Variants in DLGAP2 observed in about 807,000 individuals in gnomAD.
DLGAP2 encodes the protein disks large-associated protein 2.
In DLGAP2, 26 loss-of-function variants were observed where a neutral mutation model predicts 100.3. That is an observed-to-expected ratio of 0.26 (90% CI 0.19 to 0.36). The LOEUF (loss-of-function observed/expected upper bound fraction) is 0.36, where lower values mean the gene tolerates loss of function less well. Ranked by LOEUF, DLGAP2 falls within the 10% of genes least tolerant of loss-of-function variation. The pLI, the probability that DLGAP2 is intolerant of heterozygous loss-of-function variation, is 1.00. For missense variants in DLGAP2, 1,858 were observed against 1,453.2 expected (o/e 1.28, Z -4.53); for synonymous variants, 886 against 630.1 (o/e 1.41, Z -6.08).
At chr8:1,553,525 T>C (rs966846408) in intron 5 of DLGAP2, among the ~76,000 whole-genome samples, 23 of 20,042 alleles carry the variant, frequency 1.1e-3, no homozygotes, top group African/African-American at 4.4e-3. Flanking sequence ...GGGTTTTACC[T>C]GTCAGGCTTT....
intron 3 of DLGAP2, among the ~76,000 whole-genome samples, chr8:1,411,003 C>T (rs1482214856): frequency 6.6e-6 from 1 of 152,138 alleles, no homozygotes; most frequent in Non-Finnish European, 1.5e-5. Context: ...GCCAGCTAAA[C>T]TAATATTTCT....
At position 1,290,376 on chromosome 8, in the gene DLGAP2, C is replaced by T. The variant is rs73670712; in HGVS notation, c.106+31493C>T. 2.0e-3 allele frequency among the ~76,000 whole-genome samples: 300 copies of T among 152,332 alleles called. 1 individual carries two copies. The highest frequency in any genetic ancestry group is 6.9e-3 in the African/African-American group (287 of 41,570). On this transcript the variant is annotated intron_variant, in intron 3 of 14. Coordinates refer to ENST00000637795, the MANE Select transcript of DLGAP2 (RefSeq NM_001346810.2). ...TTTACAAATGGTGCCTACATAGTGA[C>T]GGCAGGGTTTGAACATCGGGCTGTC...
chr8:1,647,562 A>T (rs1026728728), intron 8 of DLGAP2, among the ~76,000 whole-genome samples: 3 of 149,920 alleles, frequency 2.0e-5, no homozygotes, highest in African/African-American at 7.3e-5. Flanking sequence ...CACTAACTTG[A>T]ATTTACAATT....
chr8:883,309 G>T (rs1001259975), intron 1 of DLGAP2: 3 of 152,216 alleles, frequency 2.0e-5, no homozygotes, highest in Admixed American at 2.0e-4. Context: ...AGTCACCTGA[G>T]GCACTGTATG....
intron 1 of DLGAP2, among the ~76,000 whole-genome samples, chr8:813,616 G>C (rs1034103340): frequency 1.3e-5 from 2 of 152,152 alleles, no homozygotes; most frequent in African/African-American, 4.8e-5. Context: ...TTTTAAAGGA[G>C]GTGAGGGCCT....
intron 2 of DLGAP2, among the ~76,000 whole-genome samples, chr8:965,208 T>A (rs1196750952): frequency 2.3e-5 from 3 of 132,350 alleles, no homozygotes; most frequent in African/African-American, 8.8e-5. Flanking sequence ...ACAGGGCTCC[T>A]GAGTCTGACC....
At chr8:1,628,072 C>G (rs1359579615) in intron 7 of DLGAP2, among the ~76,000 whole-genome samples, 5 of 118,168 alleles carry the variant, frequency 4.2e-5, no homozygotes, top group African/African-American at 1.2e-4. Context: ...CTCACATTCT[C>G]TCTGACTTAC....
At chr8:1,685,161 C>T (rs1461344929) in intron 12 of DLGAP2, among the ~76,000 whole-genome samples, 1 of 152,156 alleles carries the variant, frequency 6.6e-6, no homozygotes, top group Non-Finnish European at 1.5e-5. Context: ...GGGAGAAGCA[C>T]CCCGGCAGTT....
chr8:1,296,044 C>G (rs1002548477), intron 3 of DLGAP2: 1 of 152,208 alleles, frequency 6.6e-6, no homozygotes, highest in African/African-American at 2.4e-5. Context: ...TGTCTGCCAA[C>G]AATCCTTTTA....
intron 2 of DLGAP2, among the ~76,000 whole-genome samples, chr8:1,177,354 T>C (rs1797283027): frequency 6.6e-6 from 1 of 152,152 alleles, no homozygotes; most frequent in South Asian, 2.1e-4. Context: ...GGCTGTTTTA[T>C]CAGGTTTACC....
chr8:769,216 A>G (rs987058397), intron 1 of DLGAP2, among the ~76,000 whole-genome samples: 18 of 152,244 alleles, frequency 1.2e-4, no homozygotes, highest in Admixed American at 4.6e-4. Context: ...GGGCAATCTG[A>G]AAGTTAAGAG....
chr8:812,233 C>T (rs146289415), intron 1 of DLGAP2, among the ~76,000 whole-genome samples: 94 of 152,220 alleles, frequency 6.2e-4, no homozygotes, highest in African/African-American at 2.0e-3. Context: ...AGCGAGGGTT[C>T]GAAGGCCGTC....
intron 2 of DLGAP2, among the ~76,000 whole-genome samples, chr8:1,061,371 G>T (rs1254737033): frequency 6.6e-6 from 1 of 152,138 alleles, no homozygotes; most frequent in African/African-American, 2.4e-5. Flanking sequence ...TGTGGAAGCT[G>T]AAATGTGTGT....
At chr8:1,406,969 G>T (rs368705557) in intron 3 of DLGAP2, among the ~76,000 whole-genome samples, 4 of 27,106 alleles carry the variant, frequency 1.5e-4, no homozygotes, top group African/African-American at 1.1e-3. Context: ...CTTGTCCTCC[G>T]GAGTCGTGTA....
intron 1 of DLGAP2, among the ~76,000 whole-genome samples, chr8:752,902 C>T (rs958909728): frequency 6.6e-6 from 1 of 152,136 alleles, no homozygotes; most frequent in Non-Finnish European, 1.5e-5. Context: ...CTTCTGTAGG[C>T]GACTCTCAGC....
chr8:1,474,037 A>C (rs6991558), intron 3 of DLGAP2, among the ~76,000 whole-genome samples: 76,131 of 151,650 alleles, frequency 0.5, 19,595 homozygotes, highest in East Asian at 0.71. Flanking sequence ...TTTATCCTTC[A>C]CCCCTTCCCC....
intron 3 of DLGAP2, among the ~76,000 whole-genome samples, chr8:1,288,187 TTGAGTG>T (rs1799983172): frequency 1.6e-5 from 1 of 63,904 alleles, no homozygotes; most frequent in Non-Finnish European, 2.9e-5. Context: ...CTAGTTTCGG[TTGAGTG>T]TGTGTGTGTG....
intron 1 of DLGAP2, among the ~76,000 whole-genome samples, chr8:743,902 C>G (rs1490300357): frequency 6.6e-6 from 1 of 152,218 alleles, no homozygotes; most frequent in Admixed American, 6.5e-5. Flanking sequence ...GTGGCCGGGT[C>G]TTCATGTCTG....
At chr8:1,682,779 A>C (rs545966892) in intron 12 of DLGAP2, among the ~76,000 whole-genome samples, 1 of 151,766 alleles carries the variant, frequency 6.6e-6, no homozygotes, top group South Asian at 2.1e-4. Context: ...CAGCCAGGAT[A>C]TCTAGTATTT....
Sources: allele counts gnomAD v4.1 joint callset (sites outside exome capture counted in the v4.1 genomes callset), GRCh38; gene constraint gnomAD v4.1.1; transcripts MANE v1.5; gene names NCBI Gene and HGNC (gene_info 2026-07-23, HGNC 2026-07-21).